CTNND2: variants seen among roughly 807,000 people sequenced by gnomAD.
CTNND2 encodes catenin delta 2.
Under a neutral mutation model 144.4 loss-of-function variants are expected in CTNND2, and 22 were observed. That is an observed-to-expected ratio of 0.15 (90% CI 0.11 to 0.22). The LOEUF (loss-of-function observed/expected upper bound fraction) is 0.22, where lower values mean the gene tolerates loss of function less well. Among genes scored for constraint, CTNND2 ranks in the 10% least tolerant of loss-of-function variants. The probability of loss-of-function intolerance (pLI) is 1.00; values close to 1 mark genes in which losing one functional copy is unlikely to be tolerated. For synonymous variants in CTNND2, 751 were observed against 695.6 expected, an observed-to-expected ratio of 1.08 and a Z score of -1.25; for missense variants, 1,353 against 1,618.8, an observed-to-expected ratio of 0.84 and a Z score of 2.82.
chr5:11,477,940 T>C lies in CTNND2; in HGVS notation c.288-65871A>G, dbSNP rs909022179. Among the ~76,000 whole-genome samples, 3 of 152,286 alleles carry C rather than the reference T, an allele frequency of 2.0e-5. No homozygotes were observed. The East Asian group carries it at 5.8e-4, about 29-fold the overall frequency. On this transcript the variant is annotated intron_variant, in intron 3 of 21. Coordinates refer to ENST00000304623, the MANE Select transcript of CTNND2 (RefSeq NM_001332.4). The stretch of plus-strand genomic sequence containing the variant: ...ATTTAAGATCAAGCAAGCAAATAAA[T>C]ATGGCTGATGTCAAACAGTGAGAAG...
chr5:10,986,441 C>T (rs1478279641), intron 20 of CTNND2, among the ~76,000 whole-genome samples: 1 of 152,158 alleles, frequency 6.6e-6, no homozygotes, highest in South Asian at 2.1e-4. Context: ...GATGTGGCTA[C>T]CCAGGGCAAT....
chr5:11,859,091 G>A (rs1425353140), intron 1 of CTNND2, among the ~76,000 whole-genome samples: 1 of 152,216 alleles, frequency 6.6e-6, no homozygotes, highest in African/African-American at 2.4e-5. Context: ...GCTAATGGCT[G>A]GAATCAAGCC....
At chr5:11,692,981 G>A (rs78090883) in intron 2 of CTNND2, among the ~76,000 whole-genome samples, 1,803 of 152,274 alleles carry the variant, frequency 0.012, 29 homozygotes, top group African/African-American at 0.042. Context: ...CAAAACTCCA[G>A]TAAGAATTTC....
intron 12 of CTNND2, among the ~76,000 whole-genome samples, chr5:11,150,617 CTTTTTTTTTTTTT>C (rs10602477): frequency 2.2e-4 from 16 of 72,070 alleles, no homozygotes; most frequent in South Asian, 6.3e-4. Flanking sequence ...CTGCTGCCTT[CTTTTTTTTTTTTT>C]TTTTTTTTTT....
At chr5:11,642,849 C>T (rs146839587) in intron 2 of CTNND2, among the ~76,000 whole-genome samples, 1 of 152,238 alleles carries the variant, frequency 6.6e-6, no homozygotes, top group East Asian at 1.9e-4. Flanking sequence ...AAATAATTGC[C>T]GTGGTTACTG....
intron 18 of CTNND2, among the ~76,000 whole-genome samples, chr5:11,015,853 C>T (rs1370516076): frequency 6.6e-6 from 1 of 152,166 alleles, no homozygotes; most frequent in Non-Finnish European, 1.5e-5. Flanking sequence ...AGGACTCTTT[C>T]CTGGGCGAGA....
At chr5:11,327,889 G>A (rs939323844) in intron 9 of CTNND2, among the ~76,000 whole-genome samples, 8 of 152,128 alleles carry the variant, frequency 5.3e-5, no homozygotes, top group African/African-American at 1.9e-4. Flanking sequence ...AGATAGCAAG[G>A]ATCCAGAAAA....
intron 3 of CTNND2, among the ~76,000 whole-genome samples, chr5:11,559,834 C>T (rs958370396): frequency 6.6e-6 from 1 of 152,206 alleles, no homozygotes; most frequent in Non-Finnish European, 1.5e-5. Flanking sequence ...CTTCCCTCTA[C>T]GGCCTTCTGA....
chr5:11,389,221 A>G (rs1166695984), intron 6 of CTNND2, among the ~76,000 whole-genome samples: 1 of 152,204 alleles, frequency 6.6e-6, no homozygotes, highest in Non-Finnish European at 1.5e-5. Context: ...CAAAATGAGG[A>G]ACCCATTTAC....
At chr5:11,485,395 G>T (rs557457932) in intron 3 of CTNND2, among the ~76,000 whole-genome samples, 1 of 151,368 alleles carries the variant, frequency 6.6e-6, no homozygotes, top group Non-Finnish European at 1.5e-5. Context: ...GCGTGCGCGC[G>T]CACATTCAAT....
At chr5:11,615,091 A>G (rs1185106716) in intron 2 of CTNND2, among the ~76,000 whole-genome samples, 1 of 152,228 alleles carries the variant, frequency 6.6e-6, no homozygotes. Context: ...TATATCTTAC[A>G]GTAGAACTAT....
intron 10 of CTNND2, among the ~76,000 whole-genome samples, chr5:11,210,034 T>G (rs1017428698): frequency 2.0e-5 from 3 of 152,226 alleles, no homozygotes; most frequent in Non-Finnish European, 4.4e-5. Context: ...ATTCACTTCC[T>G]TTTCTTTCTC....
chr5:11,895,977 T>C (rs552861690), intron 1 of CTNND2, among the ~76,000 whole-genome samples: 1 of 150,574 alleles, frequency 6.6e-6, no homozygotes, highest in South Asian at 2.1e-4. Flanking sequence ...ATGGGAAAAT[T>C]TGTACACTCC....
At chr5:11,736,964 A>G (rs921909986) in intron 1 of CTNND2, among the ~76,000 whole-genome samples, 1 of 152,196 alleles carries the variant, frequency 6.6e-6, no homozygotes, top group Admixed American at 6.5e-5. Flanking sequence ...ACATTGCTCT[A>G]CAGTTTAATT....
chr5:11,169,649 T>C (rs61751826), intron 11 of CTNND2, among the ~76,000 whole-genome samples: 1,725 of 152,322 alleles, frequency 0.011, 33 homozygotes, highest in African/African-American at 0.039. Flanking sequence ...CTTACAAAGA[T>C]AGAGACGGCT....
At chr5:11,534,862 G>A (rs982990956) in intron 3 of CTNND2, among the ~76,000 whole-genome samples, 1 of 152,084 alleles carries the variant, frequency 6.6e-6, no homozygotes, top group African/African-American at 2.4e-5. Flanking sequence ...CTTTTGTTCT[G>A]AAGTGAACTT....
At chr5:11,876,684 G>C (rs1050563078) in intron 1 of CTNND2, among the ~76,000 whole-genome samples, 6 of 152,218 alleles carry the variant, frequency 3.9e-5, no homozygotes, top group Admixed American at 3.3e-4. Flanking sequence ...GCTCTTAAAA[G>C]CATTTAATAA....
intron 2 of CTNND2, among the ~76,000 whole-genome samples, chr5:11,571,224 T>C (rs1777522149): frequency 6.6e-6 from 1 of 152,168 alleles, no homozygotes; most frequent in Admixed American, 6.6e-5. Context: ...TTTGAAGGTA[T>C]CTCAACTTCC....
At chr5:11,376,959 C>T (rs1581053859) in intron 7 of CTNND2, among the ~76,000 whole-genome samples, 3 of 152,128 alleles carry the variant, frequency 2.0e-5, no homozygotes, top group South Asian at 2.1e-4. Flanking sequence ...GATAGCACTC[C>T]TATATTTTAA....
Sources: allele counts gnomAD v4.1 joint callset (sites outside exome capture counted in the v4.1 genomes callset), GRCh38; gene constraint gnomAD v4.1.1; transcripts MANE v1.5; gene names NCBI Gene and HGNC (gene_info 2026-07-23, HGNC 2026-07-21).